Variants in NIPBL observed in about 807,000 individuals in gnomAD.
The protein encoded by NIPBL is nipped-B-like protein.
NIPBL carries 19 observed loss-of-function variants against 321.8 expected under a neutral mutation model. The ratio of observed to expected loss-of-function variants is 0.06; its 90% confidence interval spans 0.04 to 0.09. The LOEUF is 0.09. Among genes scored for constraint, NIPBL ranks in the 10% least tolerant of loss-of-function variants. The probability of loss-of-function intolerance (pLI) is 1.00; values close to 1 mark genes in which losing one functional copy is unlikely to be tolerated. For missense variants in NIPBL, 2,210 were observed against 3,327.0 expected (o/e 0.66, Z 8.26); for synonymous variants, 1,106 against 1,114.1 (o/e 0.99, Z 0.14).
At position 37,063,863 on chromosome 5, in the gene NIPBL, C is replaced by G. The variant is rs1248025959; in HGVS notation, c.7934C>G (p.Ala2645Gly). Reference protein sequence around the residue: ...EEGEVSASTNARNKAITSLLG... With the variant: ...EEGEVSASTNGRNKAITSLLG... ...GGGGAGGTTTCAGCTAGCACAAATG[C>G]TCGGAACAAAGCAATTACCTCACTG... The change falls in exon 46 of 47, where the codon GCT becomes GGT. Residue 2645 changes from alanine (A) to glycine (G), a missense_variant. Transcript: ENST00000282516. 1.9e-6 allele frequency: 3 copies of G among 1,613,852 alleles called. No individual in the cohort carries two copies. Among genetic ancestry groups the G allele is most frequent in the Non-Finnish European group, 2.5e-6 (3 of 1,179,998 alleles).
chr5:37,003,187 A>G, intron 15 of NIPBL, 74 bp from the exon 16 acceptor site: 2 of 905,422 alleles, frequency 2.2e-6, no homozygotes, highest in Non-Finnish European at 3.7e-6. Context: ...AAAGGGAATA[A>G]TTGTACAGAT....
chr5:36,971,090 A>G, intron 7 of NIPBL, 54 bp downstream of exon 7: 1 of 1,468,938 alleles, frequency 6.8e-7, no homozygotes, highest in African/African-American at 1.4e-5. Context: ...TTTGTCATAT[A>G]ACCTAGTATT....
At chr5:36,940,974 G>A (rs1363666757) in intron 1 of NIPBL, among the ~76,000 whole-genome samples, 2 of 152,122 alleles carry the variant, frequency 1.3e-5, no homozygotes, top group Non-Finnish European at 2.9e-5. Context: ...GGTCTGTGAG[G>A]ATATGTCTAT....
At chr5:37,057,493 A>T (rs953453774) in intron 43 of NIPBL, among the ~76,000 whole-genome samples, 161 bp downstream of exon 43, 4 of 152,208 alleles carry the variant, frequency 2.6e-5, no homozygotes, top group African/African-American at 7.2e-5. Context: ...TTGGGAGAGG[A>T]TGTACATTGC....
At chr5:37,045,322 C>T in intron 36 of NIPBL, 121 bp from the exon 37 acceptor site, 1 of 718,250 alleles carries the variant, frequency 1.4e-6, no homozygotes, top group Non-Finnish European at 2.3e-6. Flanking sequence ...TCACTGCACT[C>T]CAGCCTGGGT....
At chr5:37,034,810 T>G (rs1751501851) in intron 32 of NIPBL, among the ~76,000 whole-genome samples, 2 of 152,214 alleles carry the variant, frequency 1.3e-5, no homozygotes. Flanking sequence ...ATTATTCGTG[T>G]TCTTGATTTG....
chr5:36,997,592 A>T (rs1746281579), intron 11 of NIPBL, among the ~76,000 whole-genome samples: 1 of 152,172 alleles, frequency 6.6e-6, no homozygotes, highest in South Asian at 2.1e-4. Flanking sequence ...TATTTATTTT[A>T]AAGAACCTAA....
chr5:36,910,493 A>G (rs553413223), intron 1 of NIPBL, among the ~76,000 whole-genome samples: 1 of 152,280 alleles, frequency 6.6e-6, no homozygotes, highest in East Asian at 1.9e-4. Context: ...TCCAACTTGC[A>G]CATCTTTTCC....
intron 32 of NIPBL, among the ~76,000 whole-genome samples, chr5:37,030,919 CTTTTTTTTTTTT>C (rs11291612): frequency 1.2e-5 from 1 of 82,384 alleles, no homozygotes; most frequent in African/African-American, 5.0e-5. Context: ...CATGTTTAGC[CTTTTTTTTTTTT>C]TTTTTTTTTT....
Position 37,065,309 on chromosome 5 carries a change from A to T in NIPBL, c.*417A>T, listed in dbSNP as rs924746745. 6 of 210,080 alleles carry T rather than the reference A, an allele frequency of 2.9e-5. No individual in the cohort carries two copies. Among genetic ancestry groups the T allele is most frequent in the Non-Finnish European group, 2.9e-5 (3 of 103,488 alleles). The allele number at this position is 210,080 out of a possible 1,614,324, so 13.0% of individuals were successfully genotyped here. On this transcript the variant is annotated 3_prime_UTR_variant, in exon 47 of 47. Transcript: ENST00000282516. Reference sequence around the variant, plus strand: ...TGTTTTTTCCAGGCTGTAAAATGGCAGAATCTCCTGGATATATAATTTATT... The same window carrying T: ...TGTTTTTTCCAGGCTGTAAAATGGCTGAATCTCCTGGATATATAATTTATT...
intron 1 of NIPBL, among the ~76,000 whole-genome samples, chr5:36,949,491 T>C (rs748366129): frequency 6.6e-6 from 1 of 151,876 alleles, no homozygotes; most frequent in Non-Finnish European, 1.5e-5. Context: ...CTCAGGTTCA[T>C]ATGAGGATTA....
At chr5:37,024,560 C>T (rs1348344357) in intron 29 of NIPBL, 25 bp from the exon 30 acceptor site, 2 of 1,589,004 alleles carry the variant, frequency 1.3e-6, no homozygotes, top group East Asian at 2.3e-5. Flanking sequence ...TTTTCTGACT[C>T]TTAAAAATAC....
intron 16 of NIPBL, among the ~76,000 whole-genome samples, chr5:37,005,615 C>T (rs1441613528): frequency 1.3e-5 from 2 of 152,114 alleles, no homozygotes; most frequent in African/African-American, 4.8e-5. Flanking sequence ...GCCCTGTCTG[C>T]TTTACATATT....
At chr5:36,979,253 A>C (rs144299383) in intron 9 of NIPBL, among the ~76,000 whole-genome samples, 1 of 151,718 alleles carries the variant, frequency 6.6e-6, no homozygotes, top group Non-Finnish European at 1.5e-5. Flanking sequence ...TGTGTTATCT[A>C]TGATTTATTT....
chr5:37,014,635 A>T (rs1247427998), intron 21 of NIPBL, 48 bp from the exon 22 acceptor site: 1 of 1,103,270 alleles, frequency 9.1e-7, no homozygotes, highest in Admixed American at 1.7e-5. Context: ...CAACAGGGCT[A>T]ACTTATTATT....
intron 1 of NIPBL, among the ~76,000 whole-genome samples, chr5:36,915,916 A>T (rs188683857): frequency 1.9e-3 from 286 of 152,292 alleles, no homozygotes; most frequent in Non-Finnish European, 3.3e-3. Flanking sequence ...AGTCAGTGAA[A>T]TTATATTTTA....
At chr5:37,001,580 C>G (rs1371676024) in intron 14 of NIPBL, among the ~76,000 whole-genome samples, 1 of 152,070 alleles carries the variant, frequency 6.6e-6, no homozygotes, top group South Asian at 2.1e-4. Flanking sequence ...TTCTTCTGTT[C>G]ATTTATTCTA....
chr5:36,903,519 G>C (rs1747393106), intron 1 of NIPBL, among the ~76,000 whole-genome samples: 1 of 152,088 alleles, frequency 6.6e-6, no homozygotes, highest in African/African-American at 2.4e-5. Flanking sequence ...ATTCTTTATA[G>C]GTCGGGGAGG....
chr5:36,975,792 A>G lies in NIPBL; in HGVS notation c.885A>G (p.Leu295=). 6.2e-7 allele frequency: 1 copy of G among 1,613,608 alleles called. No homozygotes were observed. The highest frequency in any genetic ancestry group is 1.1e-5 in the South Asian group (1 of 91,076). Reference sequence around the variant, plus strand: ...TTTTTCTAGGCTCAAGACCACCTTTAATCCTACAATCTCAGTCTCTACCTT... The same window carrying G: ...TTTTTCTAGGCTCAAGACCACCTTTGATCCTACAATCTCAGTCTCTACCTT... The part of the protein sequence containing the change: ...EGTPKGSRPP[L]ILQSQSLPCS... The change falls in exon 9 of 47, where the codon TTA becomes TTG. Residue 295 remains leucine (L), a synonymous_variant. Coordinates refer to ENST00000282516, the MANE Select transcript of NIPBL (RefSeq NM_133433.4).
Sources: gnomAD v4.1 joint callset for allele counts (sites outside exome capture counted in the v4.1 genomes callset) on GRCh38, gnomAD v4.1.1 for gene constraint, MANE v1.5 for transcripts, NCBI Gene and HGNC (gene_info 2026-07-23, HGNC 2026-07-21) for gene names.